TCEA2: variants seen among roughly 807,000 people sequenced by gnomAD.
The protein encoded by TCEA2 is transcription elongation factor A protein 2.
TCEA2 carries 21 observed loss-of-function variants against 40.8 expected under a neutral mutation model. The observed-to-expected ratio is 0.51, with a 90% CI of 0.36 to 0.74. TCEA2 has a LOEUF of 0.74. TCEA2 is among the 30% of genes least tolerant of loss of function. The pLI is 0.00. For synonymous variants in TCEA2, 165 were observed against 162.7 expected (o/e 1.01, Z -0.11); for missense variants, 326 against 426.5 (o/e 0.76, Z 2.08).
chr20:64,059,191 CTCAAAAAA>C (rs1180363506), upstream of TCEA2, among the ~76,000 whole-genome samples: 1 of 80,450 alleles, frequency 1.2e-5, no homozygotes, highest in African/African-American at 5.9e-5. Context: ...GAAACTCTGT[CTCAAAAAA>C]AAAAAAAAAA....
chr20:64,069,686 T>C (rs2059781814), intron 5 of TCEA2, 79 bp from the exon 6 acceptor site: 1 of 1,563,190 alleles, frequency 6.4e-7, no homozygotes, highest in Non-Finnish European at 8.7e-7. Context: ...CCCTCTAAGC[T>C]GCCAGGGTGT....
In TCEA2 at chr20:64,072,233, G is replaced by A. The variant is rs190168431; in HGVS notation, c.*53G>A. 2.2e-3 allele frequency: 3,501 copies of A among 1,590,986 alleles called. 6 individuals are homozygous for A. Among genetic ancestry groups the A allele is most frequent in the Non-Finnish European group, 2.8e-3 (3,232 of 1,163,168 alleles). On this transcript the variant is annotated 3_prime_UTR_variant, in exon 10 of 10. Coordinates refer to ENST00000343484, the MANE Select transcript of TCEA2 (RefSeq NM_003195.6). ...GGGCCCTCCCCGGCCCACGTCCTCC[G>A]TTGACACAGCTTCTCTGGAGACCCT...
upstream of TCEA2, chr20:64,063,030 TG>T (rs1200671969): frequency 8.8e-6 from 2 of 225,996 alleles, no homozygotes; most frequent in Admixed American, 5.7e-5. Flanking sequence ...CTGGCGACGG[TG>T]GGTCAGGACT....
At chr20:64,062,807 G>C (rs1322877366), upstream of TCEA2, 1 of 152,272 alleles carries the variant, frequency 6.6e-6, no homozygotes, top group Non-Finnish European at 1.5e-5. Context: ...TGGGGCGCGC[G>C]CAGGGCTCAG....
rs1037959009 is a variant in TCEA2 at position 64,070,188 on chromosome 20, G to A, written c.518-72G>A. 2.1e-5 allele frequency: 34 copies of A among 1,584,822 alleles called. No individual in the cohort carries two copies. The East Asian group carries it at 7.6e-4, about 35-fold the overall frequency. Reference sequence around the variant, plus strand: ...CCTTTCCAGCCCCCACCCCAACATGGCCCCCAGCGGGGCAGGTGGTAGGTG... The same window carrying A: ...CCTTTCCAGCCCCCACCCCAACATGACCCCCAGCGGGGCAGGTGGTAGGTG... On this transcript the variant is annotated intron_variant, in intron 6 of 9. Transcript: ENST00000343484.
At chr20:64,058,599 C>T (rs2059504995), upstream of TCEA2, among the ~76,000 whole-genome samples, 1 of 152,252 alleles carries the variant, frequency 6.6e-6, no homozygotes, top group Non-Finnish European at 1.5e-5. The surrounding 1 kb of genome is among the most constrained non-coding windows in gnomAD (Gnocchi z 6.7). Context: ...GTTGAGGCCC[C>T]TCCTACACAG....
chr20:64,055,806 G>A (rs1434835041), upstream of TCEA2, among the ~76,000 whole-genome samples: 1 of 152,086 alleles, frequency 6.6e-6, no homozygotes, highest in Non-Finnish European at 1.5e-5. This position sits in a 1 kb window ranked among gnomAD's most constrained non-coding sequence, Gnocchi z 4.0. Context: ...CGGGAGCCTG[G>A]CCAAGGTTTG....
upstream of TCEA2, among the ~76,000 whole-genome samples, chr20:64,061,465 T>C (rs1483992406): frequency 1.3e-5 from 2 of 152,020 alleles, no homozygotes; most frequent in Non-Finnish European, 2.9e-5. Flanking sequence ...TTAGTAGAGA[T>C]GGGGTTTCAC....
At chr20:64,065,528 C>CGGGAGGGA (rs11469914) in intron 1 of TCEA2, 1 of 132,656 alleles carries the variant, frequency 7.5e-6, no homozygotes, top group Non-Finnish European at 1.6e-5. Context: ...AAATAAAGCC[C>CGGGAGGGA]GGGAGGGAGG....
At position 64,071,870 on chromosome 20, in the gene TCEA2, G is replaced by A; in HGVS notation, c.820G>A (p.Val274Met). ...TGGGTTCACCCAGCCCTGTTCACAG[G>A]TGCAGACCCGCAGCTCTGATGAGCC... ...CRKKNCTYTQ[V>M]QTRSSDEPMT... Residue 274 changes from valine to methionine, a missense_variant and splice_region_variant, in exon 9 of 10, where the codon GTG becomes ATG. Val to Met is a conservative substitution (Grantham distance 21). Coordinates refer to ENST00000343484, the MANE Select transcript of TCEA2 (RefSeq NM_003195.6). 6.2e-7 allele frequency: 1 copy of A among 1,614,038 alleles called. No individual in the cohort carries two copies. Among genetic ancestry groups the A allele is most frequent in the South Asian group, 1.1e-5 (1 of 91,082 alleles).
Position 64,064,621 on chromosome 20 carries a change from C to T in TCEA2, c.72+1237C>T, listed in dbSNP as rs117962781. Among the ~76,000 whole-genome samples, 797 of 152,180 alleles carry T rather than the reference C, an allele frequency of 5.2e-3. 9 individuals carry two copies. The highest frequency in any genetic ancestry group is 8.8e-3 in the Non-Finnish European group (597 of 68,000). On this transcript the variant is annotated intron_variant, in intron 1 of 9. Transcript: ENST00000343484. ...ATGGGCTTTGGGTGATTTGTGCAGCCACCCCAGGGCTGTGTGACTGCAGTG... is the reference window on the plus strand; with the variant it reads ...ATGGGCTTTGGGTGATTTGTGCAGCTACCCCAGGGCTGTGTGACTGCAGTG...
intron 8 of TCEA2, 110 bp downstream of exon 8, chr20:64,070,745 C>T: frequency 2.8e-6 from 4 of 1,410,850 alleles, no homozygotes; most frequent in African/African-American, 2.9e-5. Flanking sequence ...TTTCCCGAGC[C>T]TCTCAGTCCC....
upstream of TCEA2, chr20:64,063,008 G>A: frequency 4.8e-6 from 1 of 208,572 alleles, no homozygotes; most frequent in Non-Finnish European, 9.5e-6. Flanking sequence ...GGTATTGTGG[G>A]ATCACGAGTC....
chr20:64,061,071 AT>A (rs1296123838), upstream of TCEA2, among the ~76,000 whole-genome samples: 1 of 144,596 alleles, frequency 6.9e-6, no homozygotes, highest in Non-Finnish European at 1.5e-5. Context: ...GATTACAAGC[AT>A]GAGCCACCGC....
chr20:64,060,282 C>T (rs559858137), upstream of TCEA2, among the ~76,000 whole-genome samples: 12 of 152,330 alleles, frequency 7.9e-5, no homozygotes, highest in East Asian at 7.7e-4. Flanking sequence ...GGCTTCCTTT[C>T]GGTGGTCTTC....
intron 1 of TCEA2, chr20:64,065,821 A>T (rs908757881): frequency 1.3e-4 from 20 of 152,248 alleles, no homozygotes; most frequent in African/African-American, 4.6e-4. Flanking sequence ...ATAGATGAGG[A>T]GGGGGGCTGT....
At chr20:64,066,724 G>A (rs1429391695) in intron 2 of TCEA2, among the ~76,000 whole-genome samples, 186 bp downstream of exon 2, 5 of 152,232 alleles carry the variant, frequency 3.3e-5, no homozygotes, top group Admixed American at 2.6e-4. Context: ...GGGAGTCTGA[G>A]GATAACCCAT....
upstream of TCEA2, among the ~76,000 whole-genome samples, chr20:64,055,951 C>T (rs2059468790): frequency 6.6e-6 from 1 of 152,068 alleles, no homozygotes; most frequent in Non-Finnish European, 1.5e-5. The surrounding 1 kb of genome is among the most constrained non-coding windows in gnomAD (Gnocchi z 4.0). Flanking sequence ...TCACCCATAG[C>T]CCCGACCCCA....
At chr20:64,066,623 C>T in intron 2 of TCEA2, 85 bp downstream of exon 2, 1 of 1,439,682 alleles carries the variant, frequency 6.9e-7, no homozygotes. Context: ...GGCAGGGCTT[C>T]CCCACCCTCC....
Sources: allele counts gnomAD v4.1 joint callset (sites outside exome capture counted in the v4.1 genomes callset), GRCh38; gene constraint gnomAD v4.1.1; non-coding constraint Gnocchi (gnomAD v3.1); transcripts MANE v1.5; gene names NCBI Gene and HGNC (gene_info 2026-07-23, HGNC 2026-07-21).